Variants in ERV3-1 observed in about 807,000 individuals in gnomAD.
ERV3-1 encodes the protein endogenous retrovirus group 3 member 1 Env polyprotein.
In ERV3-1, 36 loss-of-function variants were observed where a neutral mutation model predicts 24.6. The ratio of observed to expected loss-of-function variants is 1.47; its 90% CI spans 1.12 to 1.94. ERV3-1 has a LOEUF of 1.94. ERV3-1 is among the 30% of genes most tolerant of loss of function. ERV3-1 has a pLI of 0.00. For synonymous variants in ERV3-1, 211 were observed against 122.6 expected (o/e 1.72, Z -4.76); for missense variants, 578 against 330.9 (o/e 1.75, Z -5.79).
chr7:65,001,600 A>G (rs561132783), intron 1 of ERV3-1, among the ~76,000 whole-genome samples: 2 of 152,296 alleles, frequency 1.3e-5, no homozygotes, highest in South Asian at 4.1e-4. Context: ...CTAAGTTTTC[A>G]GTCCTCTCTC....
chr7:65,002,387 G>A (rs1387229567), intron 1 of ERV3-1, among the ~76,000 whole-genome samples: 4 of 152,144 alleles, frequency 2.6e-5, no homozygotes, highest in Non-Finnish European at 5.9e-5. Flanking sequence ...GTAGTGGCAC[G>A]ATCTTGGGTC....
At position 65,006,685 on chromosome 7, in the gene ERV3-1, G is replaced by C. The variant is rs1786660263; in HGVS notation, c.-533C>G. 1.4e-6 allele frequency: 2 copies of C among 1,451,672 alleles called. No homozygotes were observed. Among genetic ancestry groups the C allele is most frequent in the Non-Finnish European group, 1.9e-6 (2 of 1,041,100 alleles). The allele number at this position is 1,451,672 out of a possible 1,614,324, so 89.9% of individuals were successfully genotyped here. Reference sequence around the variant, plus strand: ...ACCAGAAGCTCCGGCTGCCGCCAGAGACAAAGGCCCCACCAAACCCGGAAG... The same window carrying C: ...ACCAGAAGCTCCGGCTGCCGCCAGACACAAAGGCCCCACCAAACCCGGAAG... On this transcript the variant is annotated 5_prime_UTR_variant, in exon 1 of 2. Coordinates refer to ENST00000394323, the MANE Select transcript of ERV3-1 (RefSeq NM_001007253.4).
chr7:65,006,352 G>A (rs1055525688), intron 1 of ERV3-1, 189 bp downstream of exon 1: 1 of 935,494 alleles, frequency 1.1e-6, no homozygotes, highest in South Asian at 1.5e-5. Context: ...GATGCCCGGG[G>A]TCCGAGCTGT....
chr7:64,995,705 A>C (rs1370098172), intron 1 of ERV3-1, among the ~76,000 whole-genome samples: 1 of 152,158 alleles, frequency 6.6e-6, no homozygotes, highest in African/African-American at 2.4e-5. Flanking sequence ...CTAAATATTT[A>C]ACCTTTTCAT....
At chr7:65,002,204 T>C (rs1411803480) in intron 1 of ERV3-1, among the ~76,000 whole-genome samples, 1 of 152,254 alleles carries the variant, frequency 6.6e-6, no homozygotes, top group African/African-American at 2.4e-5. Flanking sequence ...CCTTTCATTA[T>C]GACTTAGATG....
In ERV3-1 at chr7:64,992,359, C is replaced by A. The variant is rs748852349; in HGVS notation, c.668G>T (p.Arg223Leu). 7 of 766,396 alleles carry A rather than the reference C, an allele frequency of 9.1e-6. No individual in the cohort carries two copies. The Admixed American group carries it at 1.2e-4, about 13-fold the overall frequency. 47.5% of individuals were successfully genotyped at this position (766,396 alleles called of 1,614,324 possible). ...TGGGCCAATTTCTTCACCGCTGACT[C>A]GTGCCCCTAGCGGTGCTTTTAAACC... ...TTGLKAPLGARVSGEEIGPGA... is the reference protein window; with the variant it reads ...TTGLKAPLGALVSGEEIGPGA... Residue 223 changes from arginine to leucine, a missense_variant, in exon 2 of 2, where the codon CGA becomes CTA. Coordinates refer to ENST00000394323, the MANE Select transcript of ERV3-1 (RefSeq NM_001007253.4).
intron 1 of ERV3-1, among the ~76,000 whole-genome samples, chr7:65,000,071 A>G (rs183742730): frequency 2.0e-5 from 3 of 152,294 alleles, no homozygotes; most frequent in Admixed American, 2.0e-4. Context: ...AATATAAATT[A>G]TTCTATCATA....
chr7:65,001,517 T>A (rs545279610), intron 1 of ERV3-1, among the ~76,000 whole-genome samples: 1 of 152,308 alleles, frequency 6.6e-6, no homozygotes, highest in Admixed American at 6.5e-5. Context: ...CTAGTGGGTA[T>A]GTTTGTGAGT....
At chr7:65,003,926 TACC>T (rs1206312342) in intron 1 of ERV3-1, 2 of 152,302 alleles carry the variant, frequency 1.3e-5, no homozygotes, top group South Asian at 2.1e-4. Flanking sequence ...ACCAATTATC[TACC>T]ACATTTTCTT....
chr7:65,000,505 G>A (rs993295423), intron 1 of ERV3-1, among the ~76,000 whole-genome samples: 3 of 152,272 alleles, frequency 2.0e-5, no homozygotes, highest in Admixed American at 6.5e-5. Context: ...TTACAGGCAT[G>A]AGCCACTGCA....
At chr7:65,000,424 C>T (rs1328979041) in intron 1 of ERV3-1, among the ~76,000 whole-genome samples, 2 of 151,428 alleles carry the variant, frequency 1.3e-5, no homozygotes, top group African/African-American at 4.9e-5. Context: ...GGGGTGTCAT[C>T]GTGTTAGCCA....
chr7:64,996,615 T>A lies in ERV3-1; in HGVS notation c.-388-3201A>T, dbSNP rs553801830. The stretch of plus-strand genomic sequence containing the variant: ...CCAAAGGTAATCTGTGCATGCAATT[T>A]TTGGAGTAGGTCTCTTCCTAGTAGA... On this transcript the variant is annotated intron_variant, in intron 1 of 1. Coordinates refer to ENST00000394323, the MANE Select transcript of ERV3-1 (RefSeq NM_001007253.4). 1.6e-4 allele frequency among the ~76,000 whole-genome samples: 24 copies of A among 152,252 alleles called. No homozygotes were observed. In the South Asian group the frequency reaches 3.7e-3, roughly 24 times the overall value.
Position 64,992,296 on chromosome 7 carries a change from C to T in ERV3-1, c.731G>A (p.Arg244Gln), listed in dbSNP as rs766478273. ...YVYLYIIKKTRTRSTQQFRVF... is the reference protein window; with the variant it reads ...YVYLYIIKKTQTRSTQQFRVF... ...TCGGAACTGTTGGGTTGAGCGGGTC[C>T]GAGTTTTCTTTATGATATATAGATA... is the stretch of plus-strand genomic sequence containing the variant. The change falls in exon 2 of 2, where the codon CGG (arginine) becomes CAG (glutamine). Residue 244 changes from arginine to glutamine, a missense_variant. By Grantham distance (43) the Arg-to-Gln change is conservative (BLOSUM62 1). Coordinates refer to ENST00000394323, the MANE Select transcript of ERV3-1 (RefSeq NM_001007253.4). 4.6e-5 allele frequency: 35 copies of T among 766,010 alleles called. No individual in the cohort carries two copies. The highest frequency in any genetic ancestry group is 1.5e-4 in the Admixed American group (9 of 58,942). 47.5% of individuals were successfully genotyped at this position (766,010 alleles called of 1,614,324 possible). A position where few individuals can be genotyped will look rare whatever the true frequency, so the allele number is the denominator to read the frequency against.
At position 64,993,100 on chromosome 7, in the gene ERV3-1, A is replaced by G. The variant is rs1160766800; in HGVS notation, c.-74T>C. 1 of 622,888 alleles carries G rather than the reference A, an allele frequency of 1.6e-6. No individual in the cohort carries two copies. The highest frequency in any genetic ancestry group is 2.8e-5 in the Admixed American group (1 of 36,198). The allele number at this position is 622,888 out of a possible 1,614,324, so 38.6% of individuals were successfully genotyped here. A position where few individuals can be genotyped will look rare whatever the true frequency, so the allele number is the denominator to read the frequency against. On this transcript the variant is annotated 5_prime_UTR_variant, in exon 2 of 2. Transcript: ENST00000394323. ...GCTTAATAGCAAAGTAATTAATATG[A>G]CAAGGAAAATTACTGGACTTCAGAT...
In ERV3-1 at chr7:65,006,673, G is replaced by C; in HGVS notation, c.-521C>G. Reference sequence around the variant, plus strand: ...AGTGAAGACTACACCAGAAGCTCCGGCTGCCGCCAGAGACAAAGGCCCCAC... The same window carrying C: ...AGTGAAGACTACACCAGAAGCTCCGCCTGCCGCCAGAGACAAAGGCCCCAC... On this transcript the variant is annotated 5_prime_UTR_variant, in exon 1 of 2. Transcript: ENST00000394323. 1 of 1,484,716 alleles carries C rather than the reference G, an allele frequency of 6.7e-7. No individual in the cohort carries two copies. Among genetic ancestry groups the C allele is most frequent in the East Asian group, 2.3e-5 (1 of 44,000 alleles). 92.0% of individuals were successfully genotyped at this position (1,484,716 alleles called of 1,614,324 possible). A position where few individuals can be genotyped will look rare whatever the true frequency, so the allele number is the denominator to read the frequency against.
intron 1 of ERV3-1, among the ~76,000 whole-genome samples, chr7:65,003,483 A>C (rs1448963041): frequency 6.6e-6 from 1 of 152,210 alleles, no homozygotes; most frequent in Non-Finnish European, 1.5e-5. Flanking sequence ...TCTGTCAAGA[A>C]AAAAGAAAAA....
intron 1 of ERV3-1, among the ~76,000 whole-genome samples, chr7:65,002,517 G>A (rs1451058256): frequency 6.6e-6 from 1 of 151,986 alleles, no homozygotes; most frequent in South Asian, 2.1e-4. Flanking sequence ...TAGTAGAGAT[G>A]GGGTTTCGTC....
chr7:64,995,045 G>A (rs1442989581), intron 1 of ERV3-1, among the ~76,000 whole-genome samples: 3 of 152,250 alleles, frequency 2.0e-5, no homozygotes, highest in Non-Finnish European at 4.4e-5. Flanking sequence ...GGTTTGACTG[G>A]GAGCAGGGTA....
rs750261918 is a variant in ERV3-1, at chr7:64,992,419, G to C, written c.608C>G (p.Thr203Ser). 1.3e-6 allele frequency: 1 copy of C among 766,384 alleles called. No individual in the cohort carries two copies. The highest frequency in any genetic ancestry group is 2.4e-6 in the Non-Finnish European group (1 of 417,906). 47.5% of individuals were successfully genotyped at this position (766,384 alleles called of 1,614,324 possible). Residue 203 changes from threonine to serine, a missense_variant, in exon 2 of 2, where the codon ACC becomes AGC. By Grantham distance (58) the Thr-to-Ser change is moderately conservative (BLOSUM62 1). Coordinates refer to ENST00000394323, the MANE Select transcript of ERV3-1 (RefSeq NM_001007253.4). The part of the protein sequence containing the change: ...KTSTCNSVNL[T>S]ILEPDQPIWT... ...TATGGGCTGATCTGGCTCTAAGATG[G>C]TAAGATTTACAGAATTGCAAGTGCT...
Sources: allele counts gnomAD v4.1 joint callset (sites outside exome capture counted in the v4.1 genomes callset), GRCh38; gene constraint gnomAD v4.1.1; transcripts MANE v1.5; gene names NCBI Gene and HGNC (gene_info 2026-07-23, HGNC 2026-07-21).